ACVR1C: variants seen among roughly 807,000 people sequenced by gnomAD.
The protein encoded by ACVR1C is activin A receptor type 1C.
Under a neutral mutation model 57.9 loss-of-function variants are expected in ACVR1C, and 23 were observed. The ratio of observed to expected loss-of-function variants is 0.40; its 90% CI spans 0.29 to 0.56. ACVR1C has a LOEUF of 0.56. Among genes scored for constraint, ACVR1C ranks in the 20% least tolerant of loss-of-function variants. The probability of loss-of-function intolerance (pLI) is 0.50; values close to 1 mark genes in which losing one functional copy is unlikely to be tolerated. For synonymous variants in ACVR1C, 214 were observed against 215.3 expected (o/e 0.99, Z 0.05); for missense variants, 480 against 607.9 (o/e 0.79, Z 2.21).
intron 2 of ACVR1C, among the ~76,000 whole-genome samples, chr2:157,580,337 A>T (rs1213210361): frequency 6.6e-6 from 1 of 152,158 alleles, no homozygotes; most frequent in Non-Finnish European, 1.5e-5. Context: ...ATAAAGTCAT[A>T]AAAAATCTTT....
At position 157,628,771 on chromosome 2, in the gene ACVR1C, G is replaced by T; in HGVS notation, c.-127C>A. On this transcript the variant is annotated 5_prime_UTR_variant, in exon 1 of 9. Transcript: ENST00000243349. ...CGCGGCACCGACACCCTTTTGAAGT[G>T]CGCGGTTGGCTCTAGTCAGTGTGGG... is the stretch of plus-strand genomic sequence containing the variant. The T allele has an allele frequency of 1.3e-6, 1 of 791,074 alleles. No homozygotes were observed. Among genetic ancestry groups the T allele is most frequent in the South Asian group, 2.0e-5 (1 of 50,194 alleles). The allele number at this position is 791,074 out of a possible 1,614,324, so 49.0% of individuals were successfully genotyped here.
chr2:157,624,341 C>G (rs1682852120), intron 1 of ACVR1C, among the ~76,000 whole-genome samples: 1 of 152,180 alleles, frequency 6.6e-6, no homozygotes, highest in African/African-American at 2.4e-5. Flanking sequence ...CTCCTCTTAA[C>G]CTTATTTACG....
At chr2:157,598,299 CATT>C (rs1682188936) in intron 1 of ACVR1C, among the ~76,000 whole-genome samples, 3 of 149,706 alleles carry the variant, frequency 2.0e-5, no homozygotes, top group African/African-American at 7.4e-5. Context: ...CAAAACAACA[CATT>C]ATACCTCATA....
rs555909562 is a variant in ACVR1C at position 157,622,940 on chromosome 2, A to G, written c.73+5632T>C. 3.3e-5 allele frequency among the ~76,000 whole-genome samples: 5 copies of G among 152,322 alleles called. No individual in the cohort carries two copies. The South Asian group carries it at 1.0e-3, about 32-fold the overall frequency. ...AAAAATCTAATAATCCAATAAAAAA[A>G]TTGACAAAAGATTTGAATAGCCTTT... On this transcript the variant is annotated intron_variant, in intron 1 of 8. Coordinates refer to ENST00000243349, the MANE Select transcript of ACVR1C (RefSeq NM_145259.3).
At chr2:157,566,593 G>A (rs1688389074) in intron 2 of ACVR1C, among the ~76,000 whole-genome samples, 1 of 152,094 alleles carries the variant, frequency 6.6e-6, no homozygotes, top group African/African-American at 2.4e-5. Flanking sequence ...TCAAAGAAAG[G>A]GGTGATGGAC....
At chr2:157,593,240 G>T (rs1016543385) in intron 1 of ACVR1C, among the ~76,000 whole-genome samples, 5 of 152,096 alleles carry the variant, frequency 3.3e-5, no homozygotes, top group African/African-American at 7.2e-5. Context: ...CTACAAAAAA[G>T]AACCAAATTT....
chr2:157,555,490 G>A (rs1339663813), intron 3 of ACVR1C, among the ~76,000 whole-genome samples: 3 of 152,214 alleles, frequency 2.0e-5, no homozygotes, highest in Admixed American at 2.0e-4. Flanking sequence ...TGTAACCACA[G>A]CCAGCAAAAG....
chr2:157,578,491 T>C (rs940356705), intron 2 of ACVR1C, among the ~76,000 whole-genome samples: 17 of 152,216 alleles, frequency 1.1e-4, no homozygotes, highest in Non-Finnish European at 4.4e-5. Flanking sequence ...ACTGTTATTG[T>C]CAATAATGTT....
At chr2:157,604,094 C>G (rs1431763153) in intron 1 of ACVR1C, among the ~76,000 whole-genome samples, 1 of 152,034 alleles carries the variant, frequency 6.6e-6, no homozygotes, top group African/African-American at 2.4e-5. Flanking sequence ...CTGCTGATTT[C>G]CTGATCTGTA....
At chr2:157,550,642 T>C (rs1687891525) in intron 3 of ACVR1C, among the ~76,000 whole-genome samples, 1 of 152,058 alleles carries the variant, frequency 6.6e-6, no homozygotes, top group South Asian at 2.1e-4. Flanking sequence ...CATAGCCTGC[T>C]GCTACAGATA....
chr2:157,600,331 T>C (rs2105139116), intron 1 of ACVR1C, among the ~76,000 whole-genome samples: 1 of 152,320 alleles, frequency 6.6e-6, no homozygotes, highest in Admixed American at 6.5e-5. Context: ...TCAATCTATT[T>C]GGGAAATATG....
chr2:157,541,087 T>C lies in ACVR1C; in HGVS notation c.1225+3A>G, dbSNP rs752815807. 1.9e-6 allele frequency: 3 copies of C among 1,609,806 alleles called. No individual in the cohort carries two copies. The highest frequency in any genetic ancestry group is 2.2e-5 in the South Asian group (2 of 90,048). ...AACACAAAGGATATTTCCAAAATTT[T>C]ACCTCCGACTGAACACCTCCGGGCT... On this transcript the variant is annotated splice_donor_region_variant and intron_variant, in intron 7 of 8. Coordinates refer to ENST00000243349, the MANE Select transcript of ACVR1C (RefSeq NM_145259.3).
At chr2:157,596,245 A>G (rs1399248972) in intron 1 of ACVR1C, among the ~76,000 whole-genome samples, 1 of 152,064 alleles carries the variant, frequency 6.6e-6, no homozygotes, top group East Asian at 1.9e-4. Flanking sequence ...TAGATATAGA[A>G]ATCCTTTGTC....
chr2:157,550,044 AAAAG>A, intron 4 of ACVR1C, 114 bp downstream of exon 4: 1 of 859,802 alleles, frequency 1.2e-6, no homozygotes, highest in Admixed American at 3.0e-5. Context: ...GAAAAAAAAA[AAAAG>A]AAGAGGTGAA....
At chr2:157,607,047 A>G (rs1187721644) in intron 1 of ACVR1C, among the ~76,000 whole-genome samples, 1 of 151,824 alleles carries the variant, frequency 6.6e-6, no homozygotes, top group Non-Finnish European at 1.5e-5. Context: ...CACTTTTCTC[A>G]GCATCATTCA....
chr2:157,577,608 A>G (rs1340156129), intron 2 of ACVR1C, among the ~76,000 whole-genome samples: 1 of 152,180 alleles, frequency 6.6e-6, no homozygotes, highest in Non-Finnish European at 1.5e-5. Flanking sequence ...TATGTATGAT[A>G]TATATTTACC....
chr2:157,546,034 G>C (rs4474842), intron 4 of ACVR1C, among the ~76,000 whole-genome samples: 108,478 of 152,040 alleles, frequency 0.71, 40,653 homozygotes, highest in East Asian at 0.92. Flanking sequence ...CACCCACCTT[G>C]GCCTCCCGAA....
chr2:157,556,398 A>G, intron 2 of ACVR1C, 66 bp from the exon 3 acceptor site: 1 of 1,585,532 alleles, frequency 6.3e-7, no homozygotes, highest in Non-Finnish European at 8.6e-7. Context: ...TGGAATTGGA[A>G]TTGCAATCAC....
intron 2 of ACVR1C, among the ~76,000 whole-genome samples, chr2:157,575,273 C>G (rs2105244500): frequency 6.6e-6 from 1 of 152,136 alleles, no homozygotes; most frequent in Middle Eastern, 3.4e-3. Flanking sequence ...GCTGGGATTA[C>G]AGGCATGTGC....
Sources: gnomAD v4.1 joint callset for allele counts (sites outside exome capture counted in the v4.1 genomes callset) on GRCh38, gnomAD v4.1.1 for gene constraint, MANE v1.5 for transcripts, NCBI Gene and HGNC (gene_info 2026-07-23, HGNC 2026-07-21) for gene names.